The following NDST3 variants were observed in gnomAD, a reference collection of about 807,000 sequenced individuals.
NDST3 encodes bifunctional heparan sulfate N-deacetylase/N-sulfotransferase 3.
NDST3 carries 58 observed loss-of-function variants against 96.1 expected under a neutral mutation model. The ratio of observed to expected loss-of-function variants is 0.60; its 90% CI spans 0.49 to 0.75. NDST3 has a LOEUF of 0.75. Ranked by LOEUF, NDST3 falls within the 30% of genes least tolerant of loss-of-function variation. The pLI is 0.00. For missense variants in NDST3, 788 were observed against 1,034.2 expected (o/e 0.76, Z 3.27); for synonymous variants, 333 against 359.7 (o/e 0.93, Z 0.84).
At chr4:118,227,938 G>A (rs1172545478) in intron 8 of NDST3, among the ~76,000 whole-genome samples, 1 of 152,136 alleles carries the variant, frequency 6.6e-6, no homozygotes, top group Non-Finnish European at 1.5e-5. Flanking sequence ...CTAAGAATCA[G>A]TATTAAAATG....
chr4:118,085,951 T>C (rs1213112975), intron 2 of NDST3, among the ~76,000 whole-genome samples: 3 of 152,216 alleles, frequency 2.0e-5, no homozygotes, highest in Non-Finnish European at 2.9e-5. Flanking sequence ...GGTCATGTCG[T>C]TACTTCGCAT....
intron 5 of NDST3, among the ~76,000 whole-genome samples, chr4:118,141,718 C>T (rs1383099115): frequency 6.6e-6 from 1 of 152,084 alleles, no homozygotes; most frequent in Non-Finnish European, 1.5e-5. Flanking sequence ...ATGTTAAATG[C>T]CATTTAACAC....
Position 118,190,642 on chromosome 4 carries a change from A to G in NDST3, c.1540-33849A>G, listed in dbSNP as rs112006493. On this transcript the variant is annotated intron_variant, in intron 6 of 13. Coordinates refer to ENST00000296499, the MANE Select transcript of NDST3 (RefSeq NM_004784.3). ...ACAGAGCTGTGAAGACTATACCTGG[A>G]GAATCTAACCACTCCCGAAGTAACC... Among the ~76,000 whole-genome samples, 500 of 152,294 alleles carry G rather than the reference A, an allele frequency of 3.3e-3. 1 individual carries two copies. The highest frequency in any genetic ancestry group is 5.9e-3 in the Non-Finnish European group (398 of 68,024).
chr4:118,076,360 A>G (rs1727529767), intron 2 of NDST3, among the ~76,000 whole-genome samples: 1 of 152,190 alleles, frequency 6.6e-6, no homozygotes, highest in African/African-American at 2.4e-5. Flanking sequence ...AAGTTTGGGG[A>G]AACTTTTGTG....
intron 2 of NDST3, among the ~76,000 whole-genome samples, chr4:118,075,802 C>T (rs1447974960): frequency 6.6e-6 from 1 of 152,110 alleles, no homozygotes; most frequent in Non-Finnish European, 1.5e-5. Flanking sequence ...GATATTAGCC[C>T]TTTGTCAGAT....
intron 4 of NDST3, among the ~76,000 whole-genome samples, chr4:118,131,792 G>A (rs907806714): frequency 6.6e-6 from 1 of 151,886 alleles, no homozygotes; most frequent in Non-Finnish European, 1.5e-5. Context: ...ATATCACTGT[G>A]GTCCTTGCAG....
intron 4 of NDST3, among the ~76,000 whole-genome samples, chr4:118,117,945 C>T (rs974746347): frequency 6.6e-6 from 1 of 152,130 alleles, no homozygotes; most frequent in African/African-American, 2.4e-5. Context: ...CAACTTTTCC[C>T]TCGGATTCCC....
At position 118,112,870 on chromosome 4, in the gene NDST3, G is replaced by A. The variant is rs561077996; in HGVS notation, c.1070-1936G>A. The stretch of plus-strand genomic sequence containing the variant: ...ACCACTCAGAAGCGCCAAGAATGCT[G>A]GTGACTCATTCATTAATCAGGCCAA... On this transcript the variant is annotated intron_variant, in intron 3 of 13. Transcript: ENST00000296499. 8.9e-4 allele frequency among the ~76,000 whole-genome samples: 135 copies of A among 152,196 alleles called. 2 individuals are homozygous for A. Among genetic ancestry groups the A allele is most frequent in the African/African-American group, 3.1e-3 (127 of 41,528 alleles).
intron 2 of NDST3, among the ~76,000 whole-genome samples, chr4:118,066,640 TTATATATAAC>T (rs1726593082): frequency 6.6e-5 from 1 of 15,068 alleles, no homozygotes; most frequent in African/African-American, 1.3e-4. Context: ...TATATATACA[TTATATATAAC>T]ATGTTATATA....
chr4:118,231,934 T>C (rs1740321415), intron 8 of NDST3, among the ~76,000 whole-genome samples: 2 of 152,246 alleles, frequency 1.3e-5, no homozygotes, highest in East Asian at 1.9e-4. Flanking sequence ...TTTTGAAAAA[T>C]CACACCCTTG....
At chr4:118,198,324 C>A (rs1737835630) in intron 6 of NDST3, among the ~76,000 whole-genome samples, 1 of 151,852 alleles carries the variant, frequency 6.6e-6, no homozygotes, top group Non-Finnish European at 1.5e-5. Flanking sequence ...TTTTGTGTCT[C>A]CATTGTATGT....
intron 6 of NDST3, among the ~76,000 whole-genome samples, chr4:118,152,027 A>G (rs1048867919): frequency 2.6e-5 from 4 of 152,198 alleles, no homozygotes; most frequent in African/African-American, 9.7e-5. Flanking sequence ...TCTAAACATA[A>G]TATGTTTTAC....
intron 5 of NDST3, 96 bp downstream of exon 5, chr4:118,138,335 G>T: frequency 1.8e-6 from 2 of 1,130,038 alleles, no homozygotes; most frequent in Non-Finnish European, 1.2e-6. Flanking sequence ...CAGCATAAAT[G>T]TAGGAAAAGC....
intron 6 of NDST3, among the ~76,000 whole-genome samples, chr4:118,182,164 C>T (rs1736647261): frequency 6.6e-6 from 1 of 152,136 alleles, no homozygotes; most frequent in Non-Finnish European, 1.5e-5. Flanking sequence ...GACCACTTTT[C>T]AGTTGGTTCA....
At position 118,047,980 on chromosome 4, in the gene NDST3, A is replaced by G. The variant is rs544990320; in HGVS notation, c.-155-5776A>G. Among the ~76,000 whole-genome samples the G allele has an allele frequency of 2.0e-5, 3 of 152,304 alleles. No individual in the cohort carries two copies. In the East Asian group the frequency reaches 5.8e-4, roughly 29 times the overall value. ...AAAATCTTAAAGGCAGCTAGAGAGA[A>G]GAAGGGTCAAGTCATGTACAGAGGG... On this transcript the variant is annotated intron_variant, in intron 1 of 13. Transcript: ENST00000296499.
chr4:118,079,514 G>C (rs1727842144), intron 2 of NDST3, among the ~76,000 whole-genome samples: 2 of 152,324 alleles, frequency 1.3e-5, no homozygotes, highest in South Asian at 4.1e-4. Flanking sequence ...AATCGAGAGA[G>C]AGAAGAAAGG....
chr4:118,083,287 C>A (rs1307280818), intron 2 of NDST3, among the ~76,000 whole-genome samples: 1 of 152,288 alleles, frequency 6.6e-6, no homozygotes, highest in East Asian at 1.9e-4. Context: ...AAAATCCTTT[C>A]TTAAACTAAA....
In NDST3 at chr4:118,054,762, C is replaced by A; in HGVS notation, c.852C>A (p.Ile284=). 1 of 1,613,388 alleles carries A rather than the reference C, an allele frequency of 6.2e-7. No individual in the cohort carries two copies. Reference sequence around the variant, plus strand: ...TGAACTTTTGGCTGCACAAGCTCATCTTCATAGATGCCATCTCCTTCTTAT... The same window carrying A: ...TGAACTTTTGGCTGCACAAGCTCATATTCATAGATGCCATCTCCTTCTTAT... ...NNLNFWLHKL[I]FIDAISFLSG... is the part of the protein sequence containing the mutation. The change falls in exon 2 of 14, where the codon ATC becomes ATA. Residue 284 remains isoleucine (I), a synonymous_variant. Transcript: ENST00000296499.
chr4:118,132,611 C>T (rs1732729296), intron 4 of NDST3, among the ~76,000 whole-genome samples: 1 of 152,034 alleles, frequency 6.6e-6, no homozygotes, highest in African/African-American at 2.4e-5. Flanking sequence ...TTTACTTTTC[C>T]CTATGCTTTT....
Sources: gnomAD v4.1 joint callset for allele counts (sites outside exome capture counted in the v4.1 genomes callset) on GRCh38, gnomAD v4.1.1 for gene constraint, MANE v1.5 for transcripts, NCBI Gene and HGNC (gene_info 2026-07-23, HGNC 2026-07-21) for gene names.